HCN1: variants seen among roughly 807,000 people sequenced by gnomAD.
HCN1 encodes the protein potassium/sodium hyperpolarization-activated cyclic nucleotide-gated channel 1.
HCN1 carries 13 observed loss-of-function variants against 78.9 expected under a neutral mutation model. That is an observed-to-expected ratio of 0.16 (90% CI 0.11 to 0.26). HCN1 has a LOEUF of 0.26. HCN1 is among the 10% of genes least tolerant of loss of function. The probability of loss-of-function intolerance (pLI) is 1.00; values close to 1 mark genes in which losing one functional copy is unlikely to be tolerated. For missense variants in HCN1, 810 were observed against 1,154.3 expected (o/e 0.70, Z 4.32); for synonymous variants, 552 against 455.5 (o/e 1.21, Z -2.70).
At chr5:45,281,201 C>T (rs748787110) in intron 6 of HCN1, among the ~76,000 whole-genome samples, 2 of 151,936 alleles carry the variant, frequency 1.3e-5, no homozygotes, top group South Asian at 2.1e-4. Context: ...TGAAGAGGGG[C>T]CTGGTGGGAG....
intron 3 of HCN1, among the ~76,000 whole-genome samples, chr5:45,447,877 T>A (rs933562751): frequency 4.0e-5 from 6 of 149,494 alleles, no homozygotes; most frequent in Non-Finnish European, 6.0e-5. Context: ...TGTATATATT[T>A]TATGATATAT....
intron 5 of HCN1, among the ~76,000 whole-genome samples, chr5:45,349,664 A>G (rs1413486293): frequency 6.6e-6 from 1 of 152,186 alleles, no homozygotes; most frequent in Non-Finnish European, 1.5e-5. Flanking sequence ...AGAATGAAAT[A>G]GATGCAACAA....
intron 2 of HCN1, among the ~76,000 whole-genome samples, chr5:45,620,090 T>A (rs1010607983): frequency 3.9e-5 from 6 of 152,054 alleles, no homozygotes; most frequent in Non-Finnish European, 1.5e-5. Context: ...TAATGCAGTC[T>A]AACCATAAGA....
intron 1 of HCN1, among the ~76,000 whole-genome samples, chr5:45,688,135 C>T (rs1348857118): frequency 6.6e-6 from 1 of 152,074 alleles, no homozygotes; most frequent in African/African-American, 2.4e-5. Context: ...CTGATGTCTC[C>T]TCTTTCTTCT....
intron 1 of HCN1, among the ~76,000 whole-genome samples, chr5:45,691,451 A>C (rs529227223): frequency 6.6e-6 from 1 of 152,188 alleles, no homozygotes; most frequent in Non-Finnish European, 1.5e-5. Flanking sequence ...ACTAAGAAAA[A>C]GTAACTAAAT....
chr5:45,489,291 T>C (rs1741832829), intron 2 of HCN1, among the ~76,000 whole-genome samples: 1 of 152,156 alleles, frequency 6.6e-6, no homozygotes, highest in Non-Finnish European at 1.5e-5. Flanking sequence ...AGGACAACTA[T>C]AAACATTGTG....
chr5:45,489,693 A>C (rs966762369), intron 2 of HCN1, among the ~76,000 whole-genome samples: 5 of 152,160 alleles, frequency 3.3e-5, no homozygotes, highest in Non-Finnish European at 4.4e-5. Context: ...ATAACGAGTC[A>C]ATCTATGATG....
At chr5:45,327,211 G>T (rs952865746) in intron 5 of HCN1, among the ~76,000 whole-genome samples, 4 of 151,580 alleles carry the variant, frequency 2.6e-5, no homozygotes, top group African/African-American at 9.7e-5. Context: ...ATAAAAAAGC[G>T]ATTGATTTTT....
At chr5:45,539,324 A>G (rs1743040684) in intron 2 of HCN1, among the ~76,000 whole-genome samples, 2 of 151,440 alleles carry the variant, frequency 1.3e-5, no homozygotes, top group African/African-American at 4.8e-5. Context: ...ATGAGATTAT[A>G]TATAATAGAA....
chr5:45,258,465 C>G lies in HCN1; in HGVS notation c.*3456G>C, dbSNP rs1036152575. On this transcript the variant is annotated 3_prime_UTR_variant, in exon 8 of 8. Transcript: ENST00000303230. ...TCACTTATGAAGAGGTCATCCAGACCTGGAGACAAGCTACTTTTTTGGTGA... is the reference window on the plus strand; with the variant it reads ...TCACTTATGAAGAGGTCATCCAGACGTGGAGACAAGCTACTTTTTTGGTGA... 2.0e-5 allele frequency: 3 copies of G among 152,114 alleles called. No homozygotes were observed. Among genetic ancestry groups the G allele is most frequent in the Non-Finnish European group, 4.4e-5 (3 of 67,996 alleles). The allele number at this position is 152,114 out of a possible 1,614,324, so 9.4% of individuals were successfully genotyped here.
At chr5:45,363,219 C>A (rs1451131140) in intron 4 of HCN1, among the ~76,000 whole-genome samples, 1 of 148,458 alleles carries the variant, frequency 6.7e-6, no homozygotes, top group South Asian at 2.1e-4. Flanking sequence ...TCCCATACAA[C>A]GCGTCTTTCC....
intron 5 of HCN1, among the ~76,000 whole-genome samples, chr5:45,349,229 C>A (rs1024424567): frequency 2.0e-5 from 3 of 152,190 alleles, no homozygotes; most frequent in African/African-American, 4.8e-5. Context: ...TCACTCAAAG[C>A]CACTCAACTA....
At chr5:45,531,606 G>C (rs1216003036) in intron 2 of HCN1, among the ~76,000 whole-genome samples, 1 of 151,938 alleles carries the variant, frequency 6.6e-6, no homozygotes, top group Non-Finnish European at 1.5e-5. Flanking sequence ...TCATCATATG[G>C]ACCCTCTGTC....
intron 2 of HCN1, among the ~76,000 whole-genome samples, chr5:45,563,062 A>G (rs1441939361): frequency 6.6e-6 from 1 of 152,248 alleles, no homozygotes; most frequent in Non-Finnish European, 1.5e-5. Flanking sequence ...TTTTTTTCTG[A>G]AACAGTCCCT....
At chr5:45,507,646 G>T (rs1742334845) in intron 2 of HCN1, among the ~76,000 whole-genome samples, 1 of 152,054 alleles carries the variant, frequency 6.6e-6, no homozygotes, top group Non-Finnish European at 1.5e-5. Context: ...GAATAAAGGA[G>T]CACACACACA....
chr5:45,344,905 G>A (rs1205995386), intron 5 of HCN1, among the ~76,000 whole-genome samples: 1 of 152,174 alleles, frequency 6.6e-6, no homozygotes, highest in Non-Finnish European at 1.5e-5. Context: ...CCACTAGGCA[G>A]TGACCCAGTG....
intron 5 of HCN1, among the ~76,000 whole-genome samples, chr5:45,317,146 A>C (rs1746011583): frequency 6.6e-6 from 1 of 152,200 alleles, no homozygotes; most frequent in Admixed American, 6.5e-5. Flanking sequence ...TGGAGGCATC[A>C]CGTTACCTGA....
At chr5:45,373,171 T>A (rs1385010499) in intron 4 of HCN1, among the ~76,000 whole-genome samples, 14 of 125,146 alleles carry the variant, frequency 1.1e-4, no homozygotes, top group African/African-American at 4.3e-4. Flanking sequence ...ATGTACTTTA[T>A]AAAATATATG....
At chr5:45,689,829 CTT>C (rs1242975953) in intron 1 of HCN1, among the ~76,000 whole-genome samples, 1 of 152,078 alleles carries the variant, frequency 6.6e-6, no homozygotes, top group African/African-American at 2.4e-5. Flanking sequence ...AAAGATCACT[CTT>C]GTCACTCTAT....
Sources: allele counts gnomAD v4.1 joint callset (sites outside exome capture counted in the v4.1 genomes callset), GRCh38; gene constraint gnomAD v4.1.1; transcripts MANE v1.5; gene names NCBI Gene and HGNC (gene_info 2026-07-23, HGNC 2026-07-21).